CDK18: variants seen among roughly 807,000 people sequenced by gnomAD.
CDK18 encodes the protein cyclin-dependent kinase 18.
A neutral mutation model predicts 62.0 loss-of-function variants in CDK18; 52 were observed. The observed-to-expected ratio is 0.84, with a 90% CI of 0.67 to 1.06. The LOEUF is 1.06. CDK18 is among the 50% of genes least tolerant of loss of function. CDK18 has a pLI of 0.00. For synonymous variants in CDK18, 237 were observed against 247.0 expected, an observed-to-expected ratio of 0.96 and a Z score of 0.38; for missense variants, 604 against 619.9, an observed-to-expected ratio of 0.97 and a Z score of 0.27.
At chr1:205,530,066 C>T (rs938803560) in intron 13 of CDK18, 193 bp from the exon 14 acceptor site, 47 of 1,426,808 alleles carry the variant, frequency 3.3e-5, no homozygotes, top group Non-Finnish European at 3.9e-5. Context: ...GGCTGGAGAC[C>T]GAGGAGCCTT....
intron 13 of CDK18, 38 bp from the exon 14 acceptor site, chr1:205,530,221 C>G: frequency 6.2e-7 from 1 of 1,606,804 alleles, no homozygotes; most frequent in East Asian, 2.2e-5. Context: ...TTTGCAGCCC[C>G]CCAGCCGGGC....
chr1:205,523,604 C>G lies in CDK18; in HGVS notation c.252C>G (p.Asn84Lys), dbSNP rs1668260851. 8 of 1,576,384 alleles carry G rather than the reference C, an allele frequency of 5.1e-6. No homozygotes were observed. The highest frequency in any genetic ancestry group is 6.9e-6 in the Non-Finnish European group (8 of 1,161,326). The part of the protein sequence containing the change: ...SPGVQFQRRQ[N>K]QRRFSMEDVS... ...GCGTGCAGTTCCAGCGGCGGCAGAA[C>G]CAGCGCCGCTTCTCCATGGAGGTAA... Residue 84 changes from asparagine to lysine, a missense_variant, in exon 3 of 16, where the codon AAC (asparagine) becomes AAG (lysine). By Grantham distance (94) the Asn-to-Lys change is moderately conservative. Transcript: ENST00000429964.
intron 1 of CDK18, among the ~76,000 whole-genome samples, chr1:205,513,028 T>G (rs1185791526): frequency 2.0e-5 from 3 of 152,150 alleles, no homozygotes; most frequent in African/African-American, 7.2e-5. Context: ...GTGGGTGAAC[T>G]CAACACTCTT....
rs1668755502 is a variant in CDK18, at chr1:205,531,923, C to T, written c.*545C>T. 1 of 162,782 alleles carries T rather than the reference C, an allele frequency of 6.1e-6. No homozygotes were observed. The highest frequency in any genetic ancestry group is 1.4e-5 in the Non-Finnish European group (1 of 73,874). 10.1% of individuals were successfully genotyped at this position (162,782 alleles called of 1,614,324 possible). A position where few individuals can be genotyped will look rare whatever the true frequency, so the allele number is the denominator to read the frequency against. ...CCCACATGTGTGCCAAAGCCTACCC[C>T]ACCTGGCAGGTGTCCCACAGCAACA... On this transcript the variant is annotated 3_prime_UTR_variant, in exon 16 of 16. Transcript: ENST00000429964.
chr1:205,509,013 G>T (rs1468577442), intron 1 of CDK18, among the ~76,000 whole-genome samples: 1 of 151,916 alleles, frequency 6.6e-6, no homozygotes. Context: ...GCTAGGCATG[G>T]TGGCGTGTGC....
intron 1 of CDK18, among the ~76,000 whole-genome samples, chr1:205,515,503 C>T (rs1008163858): frequency 1.3e-5 from 2 of 152,102 alleles, no homozygotes; most frequent in African/African-American, 2.4e-5. Context: ...AATGGGCAAG[C>T]GACATCATCA....
chr1:205,514,349 C>G (rs1333474957), intron 1 of CDK18, among the ~76,000 whole-genome samples: 1 of 152,082 alleles, frequency 6.6e-6, no homozygotes, highest in Non-Finnish European at 1.5e-5. Flanking sequence ...CCTCTGAAAC[C>G]CAAGAAAACT....
At chr1:205,531,276 C>G (rs1274633054) in intron 15 of CDK18, 68 bp from the exon 16 acceptor site, 9 of 1,440,040 alleles carry the variant, frequency 6.2e-6, no homozygotes, top group Admixed American at 1.7e-5. Context: ...AGCGACTGTC[C>G]CTGCTGACCT....
intron 1 of CDK18, among the ~76,000 whole-genome samples, chr1:205,521,630 TGAA>T (rs1338938854): frequency 1.3e-5 from 2 of 152,102 alleles, no homozygotes; most frequent in African/African-American, 4.8e-5. Flanking sequence ...GCTAAAGGAA[TGAA>T]GGAGAGCTTG....
At chr1:205,514,295 T>G (rs1485091699) in intron 1 of CDK18, among the ~76,000 whole-genome samples, 1 of 152,004 alleles carries the variant, frequency 6.6e-6, no homozygotes, top group African/African-American at 2.4e-5. Context: ...TTCTCCCTAG[T>G]CCCCCATCCA....
At chr1:205,529,290 C>G in intron 11 of CDK18, 34 bp from the exon 12 acceptor site, 1 of 1,571,636 alleles carries the variant, frequency 6.4e-7, no homozygotes, top group South Asian at 1.1e-5. Flanking sequence ...CTGGGCCTCA[C>G]GCAGGCCCTC....
In CDK18 at chr1:205,526,771, C is replaced by T. The variant is rs1575074179; in HGVS notation, c.667-4C>T. ...GCAGGACTGAGCCACGCTCTGTGTT[C>T]CAGGACAGTGACCTGAAGCAGTATC... On this transcript the variant is annotated splice_region_variant and splice_polypyrimidine_tract_variant and intron_variant, in intron 7 of 15. Coordinates refer to ENST00000429964, the MANE Select transcript of CDK18 (RefSeq NM_212502.3). 1 of 1,613,660 alleles carries T rather than the reference C, an allele frequency of 6.2e-7. No individual in the cohort carries two copies.
chr1:205,529,160 CGCGGA>C (rs2102321675), intron 11 of CDK18, 64 bp downstream of exon 11: 1 of 1,454,748 alleles, frequency 6.9e-7, no homozygotes, highest in East Asian at 2.5e-5. Context: ...CCAGCCCAGG[CGCGGA>C]GCGGGACGGG....
intron 1 of CDK18, among the ~76,000 whole-genome samples, chr1:205,518,343 C>T (rs982610411): frequency 1.3e-5 from 2 of 152,204 alleles, no homozygotes; most frequent in Admixed American, 6.5e-5. Context: ...GGGTCTACAA[C>T]AGTGCCTGGC....
chr1:205,526,645 C>A, intron 7 of CDK18, 130 bp from the exon 8 acceptor site: 1 of 1,002,398 alleles, frequency 1.0e-6, no homozygotes, highest in South Asian at 1.3e-5. Context: ...ACGGGTGGCT[C>A]GAGCCAGGGA....
Position 205,527,710 on chromosome 1 carries a change from GC to G in CDK18, c.730-80del. The G allele has an allele frequency of 7.4e-7, 1 of 1,355,476 alleles. No individual in the cohort carries two copies. The highest frequency in any genetic ancestry group is 1.0e-6 in the Non-Finnish European group (1 of 960,074). 84.0% of individuals were successfully genotyped at this position (1,355,476 alleles called of 1,614,324 possible). On this transcript the variant is annotated intron_variant, in intron 8 of 15. Coordinates refer to ENST00000429964, the MANE Select transcript of CDK18 (RefSeq NM_212502.3). The surrounding 1 kb of genome is among the most constrained non-coding windows in gnomAD (Gnocchi z 4.1). ...GGGCTTGTGCTGACCTCACTGCCAA[GC>G]CCCTGCCCCCATCCTGGTCCCAGCC...
In CDK18 at chr1:205,527,530, C is replaced by T. The variant is rs1017386373; in HGVS notation, c.730-264C>T. 35 of 448,958 alleles carry T rather than the reference C, an allele frequency of 7.8e-5. No individual in the cohort carries two copies. The highest frequency in any genetic ancestry group is 1.2e-4 in the Non-Finnish European group (30 of 248,308). The allele number at this position is 448,958 out of a possible 1,614,324, so 27.8% of individuals were successfully genotyped here. The stretch of plus-strand genomic sequence containing the variant: ...TCAAGCACATATGTCTCCACATAGG[C>T]GGGCATCCTGACCCCCGTGCTCCTG... On this transcript the variant is annotated intron_variant, in intron 8 of 15. Transcript: ENST00000429964. The surrounding 1 kb of genome is among the most constrained non-coding windows in gnomAD (Gnocchi z 4.1).
At chr1:205,530,044 G>T (rs1668659281) in intron 13 of CDK18, 17 of 1,420,370 alleles carry the variant, frequency 1.2e-5, no homozygotes, top group Non-Finnish European at 1.6e-5. Context: ...TTCATTTCTG[G>T]TTTTTCCTGG....
chr1:205,507,152 C>A (rs1667346568), intron 1 of CDK18, among the ~76,000 whole-genome samples: 1 of 152,160 alleles, frequency 6.6e-6, no homozygotes, highest in Non-Finnish European at 1.5e-5. Flanking sequence ...ATCTACCTGT[C>A]CTCTGATTCC....
Sources: allele counts gnomAD v4.1 joint callset (sites outside exome capture counted in the v4.1 genomes callset), GRCh38; gene constraint gnomAD v4.1.1; non-coding constraint Gnocchi (gnomAD v3.1); transcripts MANE v1.5; gene names NCBI Gene and HGNC (gene_info 2026-07-23, HGNC 2026-07-21).